Variants in TSHZ2 observed in about 807,000 individuals in gnomAD.
TSHZ2 encodes the protein teashirt zinc finger homeobox 2.
A neutral mutation model predicts 74.4 loss-of-function variants in TSHZ2; 21 were observed. That is an observed-to-expected ratio of 0.28 (90% CI 0.20 to 0.41). TSHZ2 has a LOEUF of 0.41. TSHZ2 is among the 10% of genes least tolerant of loss of function. The pLI is 1.00. For synonymous variants in TSHZ2, 540 were observed against 515.3 expected, an observed-to-expected ratio of 1.05 and a Z score of -0.65; for missense variants, 1,244 against 1,293.5, an observed-to-expected ratio of 0.96 and a Z score of 0.59.
intron 2 of TSHZ2, among the ~76,000 whole-genome samples, chr20:53,278,135 T>G (rs900816808): frequency 6.6e-6 from 1 of 152,216 alleles, no homozygotes; most frequent in African/African-American, 2.4e-5. Context: ...TATATTAGCC[T>G]TTCTCATCAT....
intron 1 of TSHZ2, among the ~76,000 whole-genome samples, chr20:53,193,025 C>T (rs529298136): frequency 3.9e-5 from 6 of 152,226 alleles, no homozygotes; most frequent in South Asian, 4.2e-4. Context: ...TGGGGACATG[C>T]GGAACGCTCT....
At chr20:53,016,622 G>T (rs992095248) in intron 1 of TSHZ2, among the ~76,000 whole-genome samples, 2 of 152,114 alleles carry the variant, frequency 1.3e-5, no homozygotes, top group African/African-American at 4.8e-5. Context: ...TTTGTGAGAG[G>T]CTTTGAAATC....
At chr20:53,286,570 T>C (rs1343440691) in intron 2 of TSHZ2, among the ~76,000 whole-genome samples, 9 of 152,062 alleles carry the variant, frequency 5.9e-5, no homozygotes, top group African/African-American at 1.7e-4. Flanking sequence ...TCTAAGAACA[T>C]TTTATCTTCT....
At chr20:53,018,541 G>A (rs1983122482) in intron 1 of TSHZ2, among the ~76,000 whole-genome samples, 1 of 152,186 alleles carries the variant, frequency 6.6e-6, no homozygotes, top group South Asian at 2.1e-4. Flanking sequence ...TGAACTGGAA[G>A]CATTTTGTAA....
intron 1 of TSHZ2, among the ~76,000 whole-genome samples, chr20:53,122,991 T>C (rs1986853845): frequency 6.6e-6 from 1 of 152,192 alleles, no homozygotes; most frequent in Non-Finnish European, 1.5e-5. Context: ...CGCTTTCTAC[T>C]CTTCCACTTC....
intron 2 of TSHZ2, among the ~76,000 whole-genome samples, chr20:53,448,992 T>A (rs1172417484): frequency 6.6e-6 from 1 of 152,154 alleles, no homozygotes; most frequent in Admixed American, 6.5e-5. Context: ...AAAAAAAAGA[T>A]GTATATAATC....
intron 2 of TSHZ2, among the ~76,000 whole-genome samples, chr20:53,287,028 G>A (rs764690959): frequency 3.9e-5 from 6 of 152,098 alleles, no homozygotes; most frequent in South Asian, 2.1e-4. Context: ...GAAGTGAAGC[G>A]AATGCACAAT....
At chr20:53,407,593 C>CTTTG (rs1982897434) in intron 2 of TSHZ2, among the ~76,000 whole-genome samples, 1 of 152,168 alleles carries the variant, frequency 6.6e-6, no homozygotes, top group South Asian at 2.1e-4. Flanking sequence ...CCATGGTTAC[C>CTTTG]TATGTTTACT....
chr20:53,159,996 T>C lies in TSHZ2; in HGVS notation c.41-93503T>C, dbSNP rs191534754. On this transcript the variant is annotated intron_variant, in intron 1 of 2. Transcript: ENST00000371497. ...TTTCCTGAGGACGTTGTGTTTGAGG[T>C]AGGAGCTGAATGATGAGCAGGTGAA... Among the ~76,000 whole-genome samples the C allele has an allele frequency of 5.3e-5, 8 of 152,216 alleles. No homozygotes were observed. The East Asian group carries it at 1.5e-3, about 29-fold the overall frequency.
At chr20:53,455,310 G>C (rs1213446065) in intron 2 of TSHZ2, 4 of 152,114 alleles carry the variant, frequency 2.6e-5, no homozygotes, top group Non-Finnish European at 5.9e-5. Context: ...CCTCCCTCTG[G>C]AATGCAAACT....
chr20:53,041,837 A>C (rs886874689), intron 1 of TSHZ2, among the ~76,000 whole-genome samples: 43 of 152,206 alleles, frequency 2.8e-4, no homozygotes, highest in African/African-American at 9.6e-4. Context: ...GATCGAGATG[A>C]TCCTTGATAC....
At chr20:53,324,234 C>G (rs1029542135) in intron 2 of TSHZ2, among the ~76,000 whole-genome samples, 1 of 152,102 alleles carries the variant, frequency 6.6e-6, no homozygotes, top group South Asian at 2.1e-4. Flanking sequence ...TTTTGTGTCT[C>G]GGAATCATCA....
Position 53,254,091 on chromosome 20 carries a change from G to C in TSHZ2, c.633G>C (p.Gly211=), listed in dbSNP as rs1422694981. The C allele has an allele frequency of 6.2e-7, 1 of 1,614,088 alleles. No individual in the cohort carries two copies. Among genetic ancestry groups the C allele is most frequent in the Non-Finnish European group, 8.5e-7 (1 of 1,180,030 alleles). Residue 211 remains glycine, a synonymous_variant, in exon 2 of 3, where the codon GGG becomes GGC. Coordinates refer to ENST00000371497, the MANE Select transcript of TSHZ2 (RefSeq NM_173485.6). The stretch of plus-strand genomic sequence containing the variant: ...AGATGTGCGGGACTGTGTTCACAGG[G>C]GCCAGCAGATTCCGATGCCGACAGT... ...SSKMCGTVFT[G]ASRFRCRQCS...
At chr20:53,023,595 G>A (rs1433858201) in intron 1 of TSHZ2, among the ~76,000 whole-genome samples, 2 of 151,046 alleles carry the variant, frequency 1.3e-5, no homozygotes, top group Non-Finnish European at 2.9e-5. Context: ...TGTAGTTTCA[G>A]TATTGTGCTT....
intron 2 of TSHZ2, among the ~76,000 whole-genome samples, chr20:53,465,269 TTGTGTG>T (rs149559919): frequency 8.0e-5 from 12 of 150,680 alleles, no homozygotes; most frequent in South Asian, 4.2e-4. Flanking sequence ...GTTATTACTT[TTGTGTG>T]TGTGTGTGTG....
At chr20:53,154,297 AT>A (rs1291655186) in intron 1 of TSHZ2, among the ~76,000 whole-genome samples, 2 of 149,046 alleles carry the variant, frequency 1.3e-5, no homozygotes, top group Non-Finnish European at 3.0e-5. Context: ...ACCAAAAAAA[AT>A]TTTTTTAAGA....
intron 2 of TSHZ2, among the ~76,000 whole-genome samples, chr20:53,373,204 A>G (rs1600588411): frequency 6.6e-6 from 1 of 152,252 alleles, no homozygotes; most frequent in African/African-American, 2.4e-5. Context: ...ATGGTTTTCT[A>G]TAATTCTGAA....
intron 1 of TSHZ2, among the ~76,000 whole-genome samples, chr20:53,177,088 T>G (rs1988361431): frequency 6.6e-6 from 1 of 152,126 alleles, no homozygotes; most frequent in African/African-American, 2.4e-5. Flanking sequence ...CTTAGTATGT[T>G]GTCCAGGCTG....
intron 2 of TSHZ2, among the ~76,000 whole-genome samples, chr20:53,461,148 C>T (rs1490305457): frequency 1.3e-4 from 20 of 150,758 alleles, no homozygotes; most frequent in Middle Eastern, 3.4e-3. Flanking sequence ...GCCTCGCTGC[C>T]GCCTTGCAGT....
Sources: gnomAD v4.1 joint callset for allele counts (sites outside exome capture counted in the v4.1 genomes callset) on GRCh38, gnomAD v4.1.1 for gene constraint, MANE v1.5 for transcripts, NCBI Gene and HGNC (gene_info 2026-07-23, HGNC 2026-07-21) for gene names.